The following CC2D2B variants were observed in gnomAD, a reference collection of about 807,000 sequenced individuals.
CC2D2B encodes protein CC2D2B.
In CC2D2B, 128 loss-of-function variants were observed where a neutral mutation model predicts 161.2. That is an observed-to-expected ratio of 0.79 (90% CI 0.69 to 0.92). The LOEUF (loss-of-function observed/expected upper bound fraction) is 0.92, where lower values mean the gene tolerates loss of function less well. Ranked by LOEUF, CC2D2B falls within the 40% of genes least tolerant of loss-of-function variation. The pLI, the probability that CC2D2B is intolerant of heterozygous loss-of-function variation, is 0.00. For missense variants in CC2D2B, 1,173 were observed against 1,375.1 expected, an observed-to-expected ratio of 0.85 and a Z score of 2.32; for synonymous variants, 391 against 449.8, an observed-to-expected ratio of 0.87 and a Z score of 1.65.
intron 3 of CC2D2B, among the ~76,000 whole-genome samples, chr10:95,923,813 A>C (rs2098532848): frequency 6.6e-6 from 1 of 152,062 alleles, no homozygotes; most frequent in South Asian, 2.1e-4. Context: ...TCAGGAGTTT[A>C]AGACCAGCCT....
intron 20 of CC2D2B, among the ~76,000 whole-genome samples, chr10:95,989,813 A>G (rs1041022046): frequency 5.3e-5 from 8 of 152,180 alleles, no homozygotes; most frequent in African/African-American, 1.9e-4. Flanking sequence ...AAATGAAACT[A>G]CAGGTTTGGT....
chr10:96,029,849 C>T (rs1348976885), intron 34 of CC2D2B, among the ~76,000 whole-genome samples: 2 of 149,906 alleles, frequency 1.3e-5, no homozygotes, highest in South Asian at 2.1e-4. Flanking sequence ...CTCACTTTGT[C>T]ACCCAGGCTG....
At chr10:95,991,336 A>G (rs2077949828) in intron 20 of CC2D2B, 34 bp from the exon 21 acceptor site, 3 of 682,354 alleles carry the variant, frequency 4.4e-6, no homozygotes, top group Non-Finnish European at 6.2e-6. Context: ...AATATAAACA[A>G]TACATTTTTT....
At chr10:96,020,751 T>C (rs540027036) in intron 32 of CC2D2B, 3 of 152,064 alleles carry the variant, frequency 2.0e-5, no homozygotes, top group Non-Finnish European at 4.4e-5. Flanking sequence ...ATAAAACAAT[T>C]GCTGGACATG....
intron 10 of CC2D2B, among the ~76,000 whole-genome samples, chr10:95,951,707 A>G (rs914830791): frequency 4.6e-5 from 7 of 152,180 alleles, no homozygotes; most frequent in African/African-American, 1.7e-4. Context: ...TTAAAATCTG[A>G]TTTAGCAATA....
intron 17 of CC2D2B, among the ~76,000 whole-genome samples, chr10:95,975,253 A>G (rs2077272150): frequency 6.6e-6 from 1 of 152,218 alleles, no homozygotes; most frequent in African/African-American, 2.4e-5. Flanking sequence ...GAGACTGTTT[A>G]AAAAAGAACA....
chr10:96,028,742 T>G (rs917271920), intron 34 of CC2D2B, among the ~76,000 whole-genome samples: 1 of 152,138 alleles, frequency 6.6e-6, no homozygotes, highest in South Asian at 2.1e-4. Flanking sequence ...CATCAATAGA[T>G]GAACGGATAA....
intron 15 of CC2D2B, among the ~76,000 whole-genome samples, chr10:95,970,352 ACTC>A (rs1367886399): frequency 2.6e-5 from 4 of 151,046 alleles, no homozygotes; most frequent in Non-Finnish European, 4.4e-5. Flanking sequence ...ATTTCTTACT[ACTC>A]CTCCTTATTC....
At chr10:95,985,896 C>T (rs1465066074) in intron 19 of CC2D2B, among the ~76,000 whole-genome samples, 1 of 152,058 alleles carries the variant, frequency 6.6e-6, no homozygotes, top group Non-Finnish European at 1.5e-5. Flanking sequence ...TGAAATAAGC[C>T]CCGGTCTCCC....
At chr10:95,940,871 A>C (rs924470073) in intron 9 of CC2D2B, among the ~76,000 whole-genome samples, 7 of 152,176 alleles carry the variant, frequency 4.6e-5, no homozygotes, top group African/African-American at 1.7e-4. Context: ...AAATGGAAAA[A>C]AAATCCAATA....
At chr10:95,926,585 C>G (rs2098538895) in intron 5 of CC2D2B, among the ~76,000 whole-genome samples, 2 of 151,156 alleles carry the variant, frequency 1.3e-5, no homozygotes, top group Admixed American at 1.3e-4. Flanking sequence ...TCTTTCATTC[C>G]TAGTAACTAT....
At chr10:95,933,491 TCTG>T (rs2075686549) in intron 6 of CC2D2B, among the ~76,000 whole-genome samples, 1 of 152,240 alleles carries the variant, frequency 6.6e-6, no homozygotes, top group Non-Finnish European at 1.5e-5. Flanking sequence ...TCAGCCTTTT[TCTG>T]CTGTTTTTTC....
chr10:95,967,633 A>G (rs1018212181), intron 14 of CC2D2B, among the ~76,000 whole-genome samples: 1 of 152,230 alleles, frequency 6.6e-6, no homozygotes, highest in African/African-American at 2.4e-5. Flanking sequence ...TGAATAAACA[A>G]ATTTTTAAAA....
chr10:95,928,696 T>C (rs184342119), intron 6 of CC2D2B, among the ~76,000 whole-genome samples: 464 of 152,280 alleles, frequency 3.0e-3, no homozygotes, highest in African/African-American at 0.011. Context: ...CTGAGACTGA[T>C]TGTTTCCAGC....
intron 9 of CC2D2B, 41 bp from the exon 10 acceptor site, chr10:95,949,855 C>T: frequency 2.5e-6 from 1 of 398,008 alleles, no homozygotes; most frequent in Non-Finnish European, 4.4e-6. Flanking sequence ...TCAAAAGAAA[C>T]TGAATCAAAT....
chr10:95,947,123 T>A (rs1254900664), intron 9 of CC2D2B, among the ~76,000 whole-genome samples: 169 of 41,026 alleles, frequency 4.1e-3, no homozygotes, highest in Middle Eastern at 0.013. Flanking sequence ...ATTTTTTTTT[T>A]TTTTTTTGAG....
chr10:95,959,529 T>A (rs1395510457), intron 11 of CC2D2B, among the ~76,000 whole-genome samples: 1 of 152,186 alleles, frequency 6.6e-6, no homozygotes, highest in African/African-American at 2.4e-5. Flanking sequence ...ACAGTATCCT[T>A]GAAATTAAAA....
chr10:95,966,143 C>T (rs2076932594), intron 13 of CC2D2B, 47 bp from the exon 14 acceptor site: 2 of 776,338 alleles, frequency 2.6e-6, no homozygotes, highest in African/African-American at 1.8e-5. Context: ...AAATGTCCTA[C>T]ACAGGGATGT....
Position 96,024,710 on chromosome 10 carries a change from G to T in CC2D2B, c.3889-143G>T, listed in dbSNP as rs2079617230. 1.6e-5 allele frequency: 8 copies of T among 492,076 alleles called. No homozygotes were observed. In the East Asian group the frequency reaches 3.0e-4, roughly 18 times the overall value. The allele number at this position is 492,076 out of a possible 1,614,324, so 30.5% of individuals were successfully genotyped here. ...TGTGAAAATAAAAGAAAATGCTGTG[G>T]TCTGCATGTTACCTATGGAATTGAG... On this transcript the variant is annotated intron_variant, in intron 32 of 34. Transcript: ENST00000646931.
Sources: gnomAD v4.1 joint callset for allele counts (sites outside exome capture counted in the v4.1 genomes callset) on GRCh38, gnomAD v4.1.1 for gene constraint, MANE v1.5 for transcripts, NCBI Gene and HGNC (gene_info 2026-07-23, HGNC 2026-07-21) for gene names.